TBC1D5: variants seen among roughly 807,000 people sequenced by gnomAD.
TBC1D5 encodes the protein TBC1 domain family member 5.
In TBC1D5, 75 loss-of-function variants were observed where a neutral mutation model predicts 100.3. That is an observed-to-expected ratio of 0.75 (90% CI 0.62 to 0.91). The LOEUF is 0.91. TBC1D5 is among the 40% of genes least tolerant of loss of function. TBC1D5 has a pLI of 0.00. For synonymous variants in TBC1D5, 323 were observed against 325.6 expected, an observed-to-expected ratio of 0.99 and a Z score of 0.09; for missense variants, 910 against 942.4, an observed-to-expected ratio of 0.97 and a Z score of 0.45.
At position 17,648,372 on chromosome 3, in the gene TBC1D5, A is replaced by C. The variant is rs575784043; in HGVS notation, c.-100-24459T>G. Among the ~76,000 whole-genome samples the C allele has an allele frequency of 2.0e-5, 3 of 152,302 alleles. 1 individual carries two copies. The South Asian group carries it at 6.2e-4, about 32-fold the overall frequency. ...AAATGTAAAACCCCAAACTATAAAA[A>C]TCTTAAAAGACAACCTAGGCAGTAC... On this transcript the variant is annotated intron_variant, in intron 1 of 21. Transcript: ENST00000253692.
chr3:17,287,658 A>G (rs2081308579), intron 15 of TBC1D5, among the ~76,000 whole-genome samples: 1 of 152,190 alleles, frequency 6.6e-6, no homozygotes, highest in South Asian at 2.1e-4. Context: ...ACTATGAAGG[A>G]GTATGATCCT....
intron 1 of TBC1D5, among the ~76,000 whole-genome samples, chr3:17,661,645 C>T (rs11708672): frequency 0.5 from 75,698 of 151,564 alleles, 20,459 homozygotes; most frequent in East Asian, 0.94. Context: ...GGACTACAGG[C>T]GCCTGCCACC....
intron 2 of TBC1D5, among the ~76,000 whole-genome samples, chr3:17,614,725 A>G (rs540300804): frequency 6.6e-6 from 1 of 152,284 alleles, no homozygotes; most frequent in African/African-American, 2.4e-5. Context: ...ATTTTTGCAC[A>G]TTGATTTTGT....
Position 17,325,633 on chromosome 3 carries a change from A to G in TBC1D5, c.996-17499T>C, listed in dbSNP as rs140915445. Among the ~76,000 whole-genome samples the G allele has an allele frequency of 1.7e-3, 261 of 152,292 alleles. 2 individuals carry two copies. Among genetic ancestry groups the G allele is most frequent in the Non-Finnish European group, 3.3e-3 (222 of 68,016 alleles). On this transcript the variant is annotated intron_variant, in intron 13 of 21. Transcript: ENST00000253692. ...CACCGCGCCTGGCCCAATATGGATG[A>G]ATCTTAAATGTATTATGCTAAGTGG...
intron 13 of TBC1D5, among the ~76,000 whole-genome samples, chr3:17,340,501 T>A (rs1303552488): frequency 6.6e-6 from 1 of 152,158 alleles, no homozygotes. Flanking sequence ...CTGAGTGAGA[T>A]GTAAGATTTC....
intron 15 of TBC1D5, among the ~76,000 whole-genome samples, chr3:17,277,515 A>G (rs927966233): frequency 4.6e-5 from 7 of 152,214 alleles, no homozygotes; most frequent in African/African-American, 1.7e-4. Context: ...GACTTGGCAA[A>G]CTAATTAACA....
intron 21 of TBC1D5, 135 bp downstream of exon 22, chr3:17,166,632 C>T: frequency 8.1e-7 from 1 of 1,236,048 alleles, no homozygotes. Flanking sequence ...CACAGCTGTA[C>T]ACAGCACCTC....
At chr3:17,591,641 G>A (rs2060233103) in intron 2 of TBC1D5, among the ~76,000 whole-genome samples, 1 of 152,096 alleles carries the variant, frequency 6.6e-6, no homozygotes, top group Non-Finnish European at 1.5e-5. Context: ...GGTCCAGTGG[G>A]TCCCCTGACT....
At chr3:17,439,120 A>C (rs915614821) in intron 3 of TBC1D5, among the ~76,000 whole-genome samples, 2 of 152,154 alleles carry the variant, frequency 1.3e-5, no homozygotes, top group Admixed American at 6.5e-5. Flanking sequence ...GGCACTACTC[A>C]TTTCAACTGG....
chr3:17,316,928 T>G (rs999677726), intron 13 of TBC1D5, among the ~76,000 whole-genome samples: 1 of 152,184 alleles, frequency 6.6e-6, no homozygotes, highest in East Asian at 1.9e-4. Context: ...ACTTCAACAG[T>G]GTGGCAGGTA....
At chr3:17,399,503 T>A (rs2093594730) in intron 8 of TBC1D5, among the ~76,000 whole-genome samples, 1 of 152,114 alleles carries the variant, frequency 6.6e-6, no homozygotes, top group South Asian at 2.1e-4. Context: ...CTGTCTTTAT[T>A]ACTACATTTT....
At chr3:17,485,064 T>C (rs2095545660) in intron 3 of TBC1D5, among the ~76,000 whole-genome samples, 1 of 152,128 alleles carries the variant, frequency 6.6e-6, no homozygotes, top group African/African-American at 2.4e-5. Flanking sequence ...TGAGCAATTT[T>C]GAACTATGAT....
intron 1 of TBC1D5, among the ~76,000 whole-genome samples, chr3:17,631,802 C>T (rs557717893): frequency 6.6e-6 from 1 of 152,274 alleles, no homozygotes; most frequent in South Asian, 2.1e-4. Flanking sequence ...CACTGTGGAC[C>T]TACTGCTCAG....
chr3:17,561,419 A>G (rs769565971), intron 2 of TBC1D5, among the ~76,000 whole-genome samples: 2 of 152,226 alleles, frequency 1.3e-5, no homozygotes, highest in Non-Finnish European at 2.9e-5. Flanking sequence ...TAAATGAGCC[A>G]GCACTTATCT....
chr3:17,185,045 GT>G, intron 19 of TBC1D5, 63 bp downstream of exon 20: 1 of 1,439,002 alleles, frequency 6.9e-7, no homozygotes, highest in African/African-American at 1.4e-5. Context: ...CTAGAACAAA[GT>G]ATTGCTAGTG....
At chr3:17,233,800 A>T in intron 17 of TBC1D5, 50 bp from the exon 18 acceptor site, 1 of 1,223,348 alleles carries the variant, frequency 8.2e-7, no homozygotes. Context: ...GGAAATAATC[A>T]ACTTCACTTT....
In TBC1D5 at chr3:17,329,709, T is replaced by C. The variant is rs1306978484; in HGVS notation, c.996-21575A>G. 2.0e-5 allele frequency among the ~76,000 whole-genome samples: 3 copies of C among 152,302 alleles called. No individual in the cohort carries two copies. In the East Asian group the frequency reaches 5.8e-4, roughly 29 times the overall value. On this transcript the variant is annotated intron_variant, in intron 13 of 21. Coordinates refer to ENST00000253692, the Ensembl canonical transcript of TBC1D5. ...ACCCTAGTCCAATGCTTTTCCCACATTAACTCCCTCCTGAACATTTCCTTG... is the reference window on the plus strand; with the variant it reads ...ACCCTAGTCCAATGCTTTTCCCACACTAACTCCCTCCTGAACATTTCCTTG...
chr3:17,417,344 C>T (rs1040035132), intron 4 of TBC1D5, among the ~76,000 whole-genome samples: 1 of 140,384 alleles, frequency 7.1e-6, no homozygotes, highest in Non-Finnish European at 1.5e-5. Context: ...CTCCCCCCTC[C>T]CCCTACCCCA....
chr3:17,669,882 T>C (rs989964980), intron 1 of TBC1D5, among the ~76,000 whole-genome samples: 3 of 152,096 alleles, frequency 2.0e-5, no homozygotes, highest in African/African-American at 7.2e-5. Context: ...TGTCCCATGT[T>C]TTTTGTTTGT....
Sources: gnomAD v4.1 joint callset for allele counts (sites outside exome capture counted in the v4.1 genomes callset) on GRCh38, gnomAD v4.1.1 for gene constraint, MANE v1.5 for transcripts, NCBI Gene and HGNC (gene_info 2026-07-23, HGNC 2026-07-21) for gene names.